WDR86: variants seen among roughly 807,000 people sequenced by gnomAD.
WDR86 encodes WD repeat domain 86.
Under a neutral mutation model 36.5 loss-of-function variants are expected in WDR86, and 30 were observed. That is an observed-to-expected ratio of 0.82 (90% confidence interval 0.61 to 1.11). The LOEUF (loss-of-function observed/expected upper bound fraction) is 1.11, where lower values mean the gene tolerates loss of function less well. Among genes scored for constraint, WDR86 ranks in the 50% most tolerant of loss-of-function variants. The probability of loss-of-function intolerance (pLI) is 0.00; values close to 1 mark genes in which losing one functional copy is unlikely to be tolerated. For missense variants in WDR86, 545 were observed against 561.2 expected, an observed-to-expected ratio of 0.97 and a Z score of 0.29; for synonymous variants, 255 against 252.9, an observed-to-expected ratio of 1.01 and a Z score of -0.08.
In WDR86 at chr7:151,381,592, T is replaced by C; in HGVS notation, c.1121A>G (p.Gln374Arg). Residue 374 changes from glutamine (Q) to arginine (R), a missense_variant, in exon 6 of 6, where the codon CAG (glutamine) becomes CGG (arginine). Coordinates refer to ENST00000334493, the MANE Select transcript of WDR86 (RefSeq NM_198285.3). The surrounding 1 kb of genome is among the most constrained non-coding windows in gnomAD (Gnocchi z 4.8). ...NKVGCAAAPL[Q>R]PA is the part of the protein sequence containing the mutation. ...AGGGGCCCCGCGGGATCAGGCCGGC[T>C]GCAGGGGCGCGGCGGCGCAGCCCAC... 7.3e-7 allele frequency: 1 copy of C among 1,370,894 alleles called. No individual in the cohort carries two copies. Among genetic ancestry groups the C allele is most frequent in the Non-Finnish European group, 9.3e-7 (1 of 1,071,986 alleles). 84.9% of individuals were successfully genotyped at this position (1,370,894 alleles called of 1,614,324 possible). A position where few individuals can be genotyped will look rare whatever the true frequency, so the allele number is the denominator to read the frequency against.
Position 151,401,778 on chromosome 7 carries a change from G to A in WDR86, c.164-1537C>T, listed in dbSNP as rs972747149. ...AATACAACCGCAAGTGGCCAGGCGC[G>A]GTGGCTCACGCCTGTAATTCCAGCA... On this transcript the variant is annotated intron_variant, in intron 1 of 5. Coordinates refer to ENST00000334493, the MANE Select transcript of WDR86 (RefSeq NM_198285.3). The surrounding 1 kb of genome is among the most constrained non-coding windows in gnomAD (Gnocchi z 4.3). Among the ~76,000 whole-genome samples the A allele has an allele frequency of 1.3e-4, 20 of 152,010 alleles. No individual in the cohort carries two copies. The highest frequency in any genetic ancestry group is 3.1e-4 in the African/African-American group (13 of 41,456).
intron 2 of WDR86, among the ~76,000 whole-genome samples, chr7:151,396,581 C>T (rs961834187): frequency 2.6e-5 from 4 of 152,302 alleles, no homozygotes; most frequent in Middle Eastern, 3.4e-3. Context: ...TCAGCTTGCC[C>T]GGAGTTGAAA....
downstream of WDR86, among the ~76,000 whole-genome samples, chr7:151,375,022 G>A (rs144551435): frequency 0.016 from 2,461 of 150,884 alleles, 85 homozygotes; most frequent in African/African-American, 0.057. Context: ...CTGGGGGCGG[G>A]GCTGGGGGGA....
intron 4 of WDR86, 57 bp downstream of exon 4, chr7:151,385,031 G>A (rs1030430033): frequency 1.3e-6 from 2 of 1,513,584 alleles, no homozygotes; most frequent in South Asian, 2.5e-5. Flanking sequence ...AAGTAAAGAA[G>A]CAGAGAGGAG....
chr7:151,390,842 A>G lies in WDR86; in HGVS notation c.726+4934T>C, dbSNP rs1352636035. On this transcript the variant is annotated intron_variant, in intron 3 of 5. Coordinates refer to ENST00000334493, the MANE Select transcript of WDR86 (RefSeq NM_198285.3). The surrounding 1 kb of genome is among the most constrained non-coding windows in gnomAD (Gnocchi z 4.5). ...CTCATGTGAGGACCCAGAGTCATCAAATTCAGAGACACAAAGCAGAAGGGC... is the reference window on the plus strand; with the variant it reads ...CTCATGTGAGGACCCAGAGTCATCAGATTCAGAGACACAAAGCAGAAGGGC... 3.9e-5 allele frequency among the ~76,000 whole-genome samples: 6 copies of G among 152,250 alleles called. No homozygotes were observed. The highest frequency in any genetic ancestry group is 5.9e-5 in the Non-Finnish European group (4 of 68,040).
At chr7:151,369,398 CTCTT>C in the WDR86 span, among the ~76,000 whole-genome samples, 5 of 152,192 alleles carry the variant, frequency 3.3e-5, no homozygotes, top group African/African-American at 9.6e-5. Context: ...TCCCCTCTCT[CTCTT>C]TCTTTAACAC....
At chr7:151,374,186 G>C, downstream of WDR86, 3 of 1,574,080 alleles carry the variant, frequency 1.9e-6, no homozygotes, top group Non-Finnish European at 1.7e-6. Context: ...GCTACTCCAC[G>C]CACGCGGCCC....
rs987968046 is a variant in WDR86, at chr7:151,390,742, A to G, written c.726+5034T>C. Among the ~76,000 whole-genome samples the G allele has an allele frequency of 2.6e-5, 4 of 152,256 alleles. No homozygotes were observed. Among genetic ancestry groups the G allele is most frequent in the African/African-American group, 9.6e-5 (4 of 41,468 alleles). On this transcript the variant is annotated intron_variant, in intron 3 of 5. Coordinates refer to ENST00000334493, the MANE Select transcript of WDR86 (RefSeq NM_198285.3). This position sits in a 1 kb window ranked among gnomAD's most constrained non-coding sequence, Gnocchi z 4.5. ...AGGAGGGAATCTCATCACACACCAC[A>G]ACACAGACGAACCCTGAAGATCTTA...
chr7:151,377,494 G>A (rs920827664), downstream of WDR86: 11 of 261,610 alleles, frequency 4.2e-5, no homozygotes, highest in African/African-American at 1.6e-4. Flanking sequence ...GTTTTACCCC[G>A]AAACAGGAAG....
At chr7:151,386,256 C>G (rs1423674514) in intron 3 of WDR86, among the ~76,000 whole-genome samples, 1 of 152,246 alleles carries the variant, frequency 6.6e-6, no homozygotes, top group Non-Finnish European at 1.5e-5. Flanking sequence ...CCACTTTCCA[C>G]TGCCGGTTCC....
In WDR86 at chr7:151,385,227, C is replaced by T. The variant is rs1304321560; in HGVS notation, c.727-4G>A. 1.1e-5 allele frequency: 18 copies of T among 1,610,854 alleles called. 1 individual carries two copies. Among genetic ancestry groups the T allele is most frequent in the South Asian group, 5.5e-5 (5 of 91,072 alleles). ...AGTACACGAGTCGGTTCACCAGCTGCGAGGAGGAGCAGGGAAGGTCGGCAG... is the reference window on the plus strand; with the variant it reads ...AGTACACGAGTCGGTTCACCAGCTGTGAGGAGGAGCAGGGAAGGTCGGCAG... On this transcript the variant is annotated splice_region_variant and splice_polypyrimidine_tract_variant and intron_variant, in intron 3 of 5. Transcript: ENST00000334493.
At chr7:151,369,136 T>C in the WDR86 span, 11 of 298,316 alleles carry the variant, frequency 3.7e-5, no homozygotes, top group East Asian at 8.4e-4. Context: ...GCCTCCTGAG[T>C]AGCTGGGATT....
At position 151,401,022 on chromosome 7, in the gene WDR86, T is replaced by C. The variant is rs1190991139; in HGVS notation, c.164-781A>G. On this transcript the variant is annotated intron_variant, in intron 1 of 5. Transcript: ENST00000334493. This position sits in a 1 kb window ranked among gnomAD's most constrained non-coding sequence, Gnocchi z 4.3. ...GAGACATGTGACGTATGAACAGGGA[T>C]GCACAGCCACTGTGCATGAGCACCC... is the stretch of plus-strand genomic sequence containing the variant. Among the ~76,000 whole-genome samples, 1 of 152,220 alleles carries C rather than the reference T, an allele frequency of 6.6e-6. No homozygotes were observed. Among genetic ancestry groups the C allele is most frequent in the Non-Finnish European group, 1.5e-5 (1 of 68,036 alleles).
chr7:151,408,117 C>G (rs1451449539), intron 1 of WDR86, among the ~76,000 whole-genome samples: 1 of 152,022 alleles, frequency 6.6e-6, no homozygotes, highest in Non-Finnish European at 1.5e-5. Flanking sequence ...CACCAACTCC[C>G]AAGTAACCGG....
chr7:151,381,540 C>T lies in WDR86; in HGVS notation c.*42G>A, dbSNP rs1215497618. On this transcript the variant is annotated 3_prime_UTR_variant, in exon 6 of 6. Coordinates refer to ENST00000334493, the MANE Select transcript of WDR86 (RefSeq NM_198285.3). The surrounding 1 kb of genome is among the most constrained non-coding windows in gnomAD (Gnocchi z 4.8). ...GTAGCAGGGCGGGGCGCTCTGGGAG[C>T]CGCTGGGTGTCTGGGCTGGCGTCTG... 1 of 1,396,090 alleles carries T rather than the reference C, an allele frequency of 7.2e-7. No individual in the cohort carries two copies. 86.5% of individuals were successfully genotyped at this position (1,396,090 alleles called of 1,614,324 possible).
intron 3 of WDR86, among the ~76,000 whole-genome samples, chr7:151,393,658 C>T (rs553914432): frequency 1.3e-5 from 2 of 152,316 alleles, no homozygotes; most frequent in African/African-American, 2.4e-5. Context: ...CAACCCCCTG[C>T]CCTGGCAAGC....
In WDR86 at chr7:151,397,194, C is replaced by T. The variant is rs576158961; in HGVS notation, c.306-998G>A. Among the ~76,000 whole-genome samples, 14 of 152,320 alleles carry T rather than the reference C, an allele frequency of 9.2e-5. No homozygotes were observed. In the South Asian group the frequency reaches 2.3e-3, roughly 25 times the overall value. On this transcript the variant is annotated intron_variant, in intron 2 of 5. Coordinates refer to ENST00000334493, the MANE Select transcript of WDR86 (RefSeq NM_198285.3). ...GACCCTCCTGAATCAGGACCACGGC[C>T]GGCCCTGCTGCTCCTCCCGTCCTCC... is the stretch of plus-strand genomic sequence containing the variant.
At chr7:151,392,054 C>T (rs1799476000) in intron 3 of WDR86, among the ~76,000 whole-genome samples, 1 of 152,180 alleles carries the variant, frequency 6.6e-6, no homozygotes, top group Non-Finnish European at 1.5e-5. Context: ...TGTGTGCTGC[C>T]TTCCTTCTGC....
chr7:151,385,261 G>A, intron 3 of WDR86, 38 bp from the exon 4 acceptor site: 2 of 1,605,496 alleles, frequency 1.2e-6, no homozygotes, highest in South Asian at 2.2e-5. Flanking sequence ...AGCTGGGGCA[G>A]CTCTGAAGCC....
Sources: allele counts gnomAD v4.1 joint callset (sites outside exome capture counted in the v4.1 genomes callset), GRCh38; gene constraint gnomAD v4.1.1; non-coding constraint Gnocchi (gnomAD v3.1); transcripts MANE v1.5; gene names NCBI Gene and HGNC (gene_info 2026-07-23, HGNC 2026-07-21).